The following PRMT8 variants were observed in gnomAD, a reference collection of about 807,000 sequenced individuals.
The protein encoded by PRMT8 is protein arginine methyltransferase 8.
PRMT8 carries 7 observed loss-of-function variants against 47.1 expected under a neutral mutation model. The observed-to-expected ratio is 0.15, with a 90% CI of 0.08 to 0.28. The LOEUF (loss-of-function observed/expected upper bound fraction) is 0.28. PRMT8 is among the 10% of genes least tolerant of loss of function. PRMT8 has a pLI of 1.00. For missense variants in PRMT8, 237 were observed against 505.4 expected (o/e 0.47, Z 5.09); for synonymous variants, 188 against 186.5 (o/e 1.01, Z -0.07).
chr12:3,553,078 C>A (rs4766139), intron 3 of PRMT8: 1 of 195,066 alleles, frequency 5.1e-6, no homozygotes, highest in Non-Finnish European at 1.1e-5. Context: ...CCTGGAAAGA[C>A]GTCTGAATTA....
chr12:3,400,124 T>C (rs1257731496), intron 1 of PRMT8, among the ~76,000 whole-genome samples: 1 of 151,418 alleles, frequency 6.6e-6, no homozygotes, highest in Non-Finnish European at 1.5e-5. Context: ...AGCAAACAAA[T>C]CCCAAAGCTA....
chr12:3,444,722 G>C (rs76023430), intron 1 of PRMT8, among the ~76,000 whole-genome samples: 6 of 152,382 alleles, frequency 3.9e-5, no homozygotes, highest in Non-Finnish European at 7.3e-5. Flanking sequence ...TGGAGCAAGA[G>C]AGTCAAACAA....
intron 7 of PRMT8, among the ~76,000 whole-genome samples, chr12:3,577,738 C>T (rs911243543): frequency 6.6e-6 from 1 of 152,092 alleles, no homozygotes; most frequent in African/African-American, 2.4e-5. Flanking sequence ...TGGCCCAAGA[C>T]AGTTCTTCTT....
chr12:3,470,097 G>A (rs764938400), intron 1 of PRMT8, among the ~76,000 whole-genome samples: 4 of 152,180 alleles, frequency 2.6e-5, no homozygotes, highest in South Asian at 2.1e-4. Context: ...GCAGAGGAGC[G>A]GATTATAACG....
At chr12:3,555,413 G>A (rs1309849477) in intron 4 of PRMT8, among the ~76,000 whole-genome samples, 1 of 152,210 alleles carries the variant, frequency 6.6e-6, no homozygotes, top group Non-Finnish European at 1.5e-5. Context: ...CCAGTACAAA[G>A]GCCTCTGGGA....
At chr12:3,480,496 C>T (rs958855464) in intron 1 of PRMT8, among the ~76,000 whole-genome samples, 3 of 152,136 alleles carry the variant, frequency 2.0e-5, no homozygotes, top group East Asian at 1.9e-4. Flanking sequence ...ACCAGGAATA[C>T]GAGGGACTTT....
chr12:3,474,488 T>C (rs1865190198), intron 1 of PRMT8, among the ~76,000 whole-genome samples: 1 of 152,110 alleles, frequency 6.6e-6, no homozygotes, highest in African/African-American at 2.4e-5. Context: ...CTGTTGGCTT[T>C]TCACCCGATG....
chr12:3,504,537 C>T (rs1270802820), intron 1 of PRMT8, among the ~76,000 whole-genome samples: 1 of 111,662 alleles, frequency 9.0e-6, no homozygotes, highest in African/African-American at 2.7e-5. Context: ...CAGGGACCCA[C>T]TTGAGGAGGC....
At chr12:3,415,589 G>A (rs559604716) in intron 1 of PRMT8, among the ~76,000 whole-genome samples, 1 of 152,142 alleles carries the variant, frequency 6.6e-6, no homozygotes, top group Non-Finnish European at 1.5e-5. Flanking sequence ...TCAGGAAACT[G>A]GATGAAGACC....
At chr12:3,415,730 G>C (rs1591542906) in intron 1 of PRMT8, among the ~76,000 whole-genome samples, 1 of 152,206 alleles carries the variant, frequency 6.6e-6, no homozygotes, top group South Asian at 2.1e-4. Flanking sequence ...CCAAGAGCTG[G>C]AAAGGAATCA....
intron 1 of PRMT8, among the ~76,000 whole-genome samples, chr12:3,477,678 C>T (rs542781975): frequency 5.3e-5 from 8 of 152,230 alleles, no homozygotes; most frequent in African/African-American, 7.2e-5. Flanking sequence ...CAACCTTTTC[C>T]GATTGTTGGT....
At chr12:3,496,214 A>ATATATTTTTTTTT in intron 1 of PRMT8, among the ~76,000 whole-genome samples, 1 of 27,776 alleles carries the variant, frequency 3.6e-5, no homozygotes, top group Non-Finnish European at 7.9e-5. Flanking sequence ...ATATATATAT[A>ATATATTTTTTTTT]TTTTTTTTTT....
intron 1 of PRMT8, among the ~76,000 whole-genome samples, chr12:3,523,636 G>T (rs576127353): frequency 2.3e-4 from 35 of 152,290 alleles, no homozygotes; most frequent in South Asian, 1.9e-3. Flanking sequence ...CTCTTAATAA[G>T]AGCGACTGTT....
At chr12:3,445,220 A>G (rs75003229) in intron 1 of PRMT8, among the ~76,000 whole-genome samples, 2,339 of 152,314 alleles carry the variant, frequency 0.015, 37 homozygotes, top group Middle Eastern at 0.02. Flanking sequence ...ACTAGCATGT[A>G]GAGAGGGAAA....
At chr12:3,427,491 T>A (rs1242779142) in intron 1 of PRMT8, among the ~76,000 whole-genome samples, 3 of 152,160 alleles carry the variant, frequency 2.0e-5, no homozygotes, top group African/African-American at 4.8e-5. Context: ...CAAAACAAAA[T>A]TTTTTAACCA....
At chr12:3,499,188 C>CT (rs1865554032) in intron 1 of PRMT8, among the ~76,000 whole-genome samples, 1 of 131,186 alleles carries the variant, frequency 7.6e-6, no homozygotes. Context: ...TTTTTTTTTT[C>CT]CTTTCTTTTT....
chr12:3,435,825 C>T (rs1379558965), intron 1 of PRMT8, among the ~76,000 whole-genome samples: 2 of 152,118 alleles, frequency 1.3e-5, no homozygotes, highest in Non-Finnish European at 2.9e-5. Context: ...CGGCCAACGT[C>T]GTGTGTTTTG....
At chr12:3,464,339 C>T (rs1469823321) in intron 1 of PRMT8, among the ~76,000 whole-genome samples, 1 of 151,216 alleles carries the variant, frequency 6.6e-6, no homozygotes, top group Non-Finnish European at 1.5e-5. Flanking sequence ...TCCTAACGTG[C>T]TGTGTTTCCT....
chr12:3,382,196 G>A (rs533779500), intron 1 of PRMT8, among the ~76,000 whole-genome samples: 37 of 152,184 alleles, frequency 2.4e-4, no homozygotes, highest in Non-Finnish European at 4.7e-4. Flanking sequence ...ATGAACAGTC[G>A]TGTACAGGTA....
Sources: allele counts gnomAD v4.1 joint callset (sites outside exome capture counted in the v4.1 genomes callset), GRCh38; gene constraint gnomAD v4.1.1; transcripts MANE v1.5; gene names NCBI Gene and HGNC (gene_info 2026-07-23, HGNC 2026-07-21).